Variants in GPC6 observed in about 807,000 individuals in gnomAD.
The protein encoded by GPC6 is glypican 6.
GPC6 carries 14 observed loss-of-function variants against 55.2 expected under a neutral mutation model. The observed-to-expected ratio is 0.25, with a 90% confidence interval of 0.17 to 0.40. The LOEUF is 0.40. Ranked by LOEUF, GPC6 falls within the 10% of genes least tolerant of loss-of-function variation. The pLI is 1.00. For synonymous variants in GPC6, 278 were observed against 259.6 expected, an observed-to-expected ratio of 1.07 and a Z score of -0.68; for missense variants, 641 against 708.5, an observed-to-expected ratio of 0.90 and a Z score of 1.08.
chr13:93,221,317 T>G, the GPC6 span, among the ~76,000 whole-genome samples: 1 of 152,214 alleles, frequency 6.6e-6, no homozygotes, highest in Non-Finnish European at 1.5e-5. Context: ...TAAACATAAT[T>G]AAATAATTAG....
intron 4 of GPC6, among the ~76,000 whole-genome samples, chr13:94,181,949 G>A (rs899960180): frequency 6.6e-6 from 1 of 152,190 alleles, no homozygotes; most frequent in Admixed American, 6.5e-5. Context: ...TGAAGAAACT[G>A]AGACTCAGAG....
chr13:93,972,811 A>G (rs1880340914), intron 3 of GPC6, among the ~76,000 whole-genome samples: 1 of 152,168 alleles, frequency 6.6e-6, no homozygotes, highest in Admixed American at 6.5e-5. Flanking sequence ...ACCATTCACT[A>G]GCTAAAGGAC....
At chr13:94,092,551 GAT>G (rs1295639759) in intron 4 of GPC6, among the ~76,000 whole-genome samples, 2 of 152,014 alleles carry the variant, frequency 1.3e-5, no homozygotes, top group African/African-American at 4.8e-5. Flanking sequence ...TACTTAGATT[GAT>G]TCCGTCTCTT....
intron 2 of GPC6, among the ~76,000 whole-genome samples, chr13:93,726,044 A>T (rs1468323905): frequency 6.6e-6 from 1 of 150,478 alleles, no homozygotes; most frequent in South Asian, 2.1e-4. Context: ...CATAGCTATC[A>T]TTCACTTCAT....
chr13:93,976,873 A>G (rs1036385073), intron 3 of GPC6, among the ~76,000 whole-genome samples: 3 of 152,170 alleles, frequency 2.0e-5, no homozygotes, highest in South Asian at 2.1e-4. Flanking sequence ...CCATATTTCT[A>G]TGCTTGGTCT....
intron 2 of GPC6, among the ~76,000 whole-genome samples, chr13:93,775,474 T>A (rs762029917): frequency 6.6e-6 from 1 of 151,596 alleles, no homozygotes; most frequent in Non-Finnish European, 1.5e-5. Flanking sequence ...AAACCTGGAG[T>A]TTTCTAGAAG....
intron 3 of GPC6, among the ~76,000 whole-genome samples, chr13:94,015,882 C>T (rs1309124765): frequency 6.6e-6 from 1 of 152,242 alleles, no homozygotes; most frequent in Non-Finnish European, 1.5e-5. Context: ...ACCAGTACCA[C>T]TGTGTCATTG....
chr13:94,115,552 C>G (rs1886406006), intron 4 of GPC6, among the ~76,000 whole-genome samples: 2 of 152,052 alleles, frequency 1.3e-5, no homozygotes. Context: ...TTCCTCAGGT[C>G]CCAAACCAGC....
intron 2 of GPC6, among the ~76,000 whole-genome samples, chr13:93,795,949 C>G (rs1016333575): frequency 6.6e-6 from 1 of 151,916 alleles, no homozygotes. Context: ...GTGGCACACG[C>G]CTGTAGTCCA....
intron 3 of GPC6, among the ~76,000 whole-genome samples, chr13:93,958,865 T>C (rs1879632022): frequency 6.6e-6 from 1 of 152,206 alleles, no homozygotes; most frequent in Admixed American, 6.5e-5. Context: ...TTCCGTGTTA[T>C]CATTCTCTTT....
intron 1 of GPC6, among the ~76,000 whole-genome samples, chr13:93,353,094 T>C (rs762536610): frequency 1.3e-5 from 2 of 152,172 alleles, no homozygotes; most frequent in Non-Finnish European, 2.9e-5. Context: ...GCTGATGTAT[T>C]GTATATGGGT....
At chr13:94,073,156 A>G (rs1425600605) in intron 4 of GPC6, among the ~76,000 whole-genome samples, 1 of 152,196 alleles carries the variant, frequency 6.6e-6, no homozygotes, top group Admixed American at 6.5e-5. Context: ...GCCAAAAATA[A>G]GAGTGCCAGC....
At position 94,224,692 on chromosome 13, in the gene GPC6, A is replaced by T. The variant is rs113102761; in HGVS notation, c.878-61657A>T. Among the ~76,000 whole-genome samples, 11 of 152,110 alleles carry T rather than the reference A, an allele frequency of 7.2e-5. 1 individual carries two copies. Among genetic ancestry groups the T allele is most frequent in the African/African-American group, 2.7e-4 (11 of 41,508 alleles). On this transcript the variant is annotated intron_variant, in intron 4 of 8. Coordinates refer to ENST00000377047, the MANE Select transcript of GPC6 (RefSeq NM_005708.5). The stretch of plus-strand genomic sequence containing the variant: ...ACTCTCTGTTGAAGGTTTTTGGAGC[A>T]TTTTTTCTGCTAAAGCTTGGCTAAC...
At chr13:93,665,271 C>A (rs1881086239) in intron 2 of GPC6, among the ~76,000 whole-genome samples, 1 of 152,174 alleles carries the variant, frequency 6.6e-6, no homozygotes, top group South Asian at 2.1e-4. Context: ...GCCATGCAGC[C>A]ATGCAAAATA....
intron 1 of GPC6, among the ~76,000 whole-genome samples, chr13:93,430,996 G>A (rs1594164597): frequency 6.6e-6 from 1 of 152,142 alleles, no homozygotes; most frequent in East Asian, 1.9e-4. Context: ...TTAGACCTTT[G>A]TATTAAAAGA....
At chr13:93,663,075 C>T (rs1252101180) in intron 2 of GPC6, among the ~76,000 whole-genome samples, 13 of 147,736 alleles carry the variant, frequency 8.8e-5, no homozygotes, top group African/African-American at 2.5e-4. Context: ...TTGAAAATAC[C>T]CTGTGCCAGT....
At position 93,335,366 on chromosome 13, in the gene GPC6, A is replaced by T. The variant is rs575199974; in HGVS notation, c.160+107750A>T. Among the ~76,000 whole-genome samples, 6 of 152,274 alleles carry T rather than the reference A, an allele frequency of 3.9e-5. No individual in the cohort carries two copies. In the East Asian group the frequency reaches 5.8e-4, roughly 15 times the overall value. ...TACAGTTTACCAAGTTCTTTCATTC[A>T]CGGTGTTTCATTTGGGTATCCCAAC... On this transcript the variant is annotated intron_variant, in intron 1 of 8. Coordinates refer to ENST00000377047, the MANE Select transcript of GPC6 (RefSeq NM_005708.5).
intron 1 of GPC6, among the ~76,000 whole-genome samples, chr13:93,333,309 T>C (rs780084329): frequency 2.6e-5 from 4 of 152,180 alleles, no homozygotes; most frequent in Admixed American, 6.5e-5. Flanking sequence ...ATTTTAATGG[T>C]ATTAATTTCT....
intron 1 of GPC6, among the ~76,000 whole-genome samples, chr13:93,389,058 AC>A (rs1185713498): frequency 2.6e-5 from 4 of 152,178 alleles, no homozygotes; most frequent in Non-Finnish European, 5.9e-5. Flanking sequence ...CAGTATTCTT[AC>A]TTGGTGTAAT....
Sources: allele counts gnomAD v4.1 joint callset (sites outside exome capture counted in the v4.1 genomes callset), GRCh38; gene constraint gnomAD v4.1.1; transcripts MANE v1.5; gene names NCBI Gene and HGNC (gene_info 2026-07-23, HGNC 2026-07-21).